The following ADCY8 variants were observed in gnomAD, a reference collection of about 807,000 sequenced individuals.
ADCY8 encodes the protein adenylate cyclase 8.
ADCY8 carries 51 observed loss-of-function variants against 119.7 expected under a neutral mutation model. The ratio of observed to expected loss-of-function variants is 0.43; its 90% CI spans 0.34 to 0.54. The LOEUF (loss-of-function observed/expected upper bound fraction) is 0.54. Among genes scored for constraint, ADCY8 ranks in the 20% least tolerant of loss-of-function variants. ADCY8 has a pLI of 0.03. For missense variants in ADCY8, 1,383 were observed against 1,598.8 expected (o/e 0.87, Z 2.30); for synonymous variants, 665 against 651.0 (o/e 1.02, Z -0.33).
chr8:130,885,063 G>A (rs1421455099), intron 7 of ADCY8, among the ~76,000 whole-genome samples: 1 of 152,092 alleles, frequency 6.6e-6, no homozygotes, highest in African/African-American at 2.4e-5. Flanking sequence ...CTCTAACCAG[G>A]CACAACCTGG....
chr8:130,818,142 A>G (rs1309646940), intron 13 of ADCY8, among the ~76,000 whole-genome samples: 1 of 152,248 alleles, frequency 6.6e-6, no homozygotes, highest in Non-Finnish European at 1.5e-5. Context: ...ATAAACTGTA[A>G]GAAATGACAG....
chr8:130,964,439 TTTAA>T (rs1821700765), intron 2 of ADCY8, among the ~76,000 whole-genome samples: 6 of 152,222 alleles, frequency 3.9e-5, no homozygotes, highest in African/African-American at 1.2e-4. Context: ...ATTTATGTGA[TTTAA>T]TTAAATATTA....
chr8:130,941,993 A>C (rs867167051), intron 4 of ADCY8, among the ~76,000 whole-genome samples: 4 of 152,316 alleles, frequency 2.6e-5, no homozygotes, highest in Middle Eastern at 6.8e-3. Context: ...ATAATAAAAC[A>C]ACCACCATAA....
intron 15 of ADCY8, among the ~76,000 whole-genome samples, chr8:130,791,890 C>T (rs1815437000): frequency 6.6e-6 from 1 of 152,378 alleles, no homozygotes; most frequent in Non-Finnish European, 1.5e-5. Context: ...TTCCCATCAG[C>T]ATACAGCCTG....
chr8:130,852,859 C>A (rs966076806), intron 9 of ADCY8, among the ~76,000 whole-genome samples: 2 of 152,192 alleles, frequency 1.3e-5, no homozygotes, highest in Admixed American at 6.5e-5. Flanking sequence ...GTTATTCCTG[C>A]AAGGCTCAGC....
chr8:131,011,595 C>G (rs1823306962), intron 1 of ADCY8, among the ~76,000 whole-genome samples: 1 of 152,134 alleles, frequency 6.6e-6, no homozygotes, highest in South Asian at 2.1e-4. Flanking sequence ...TAGCTGTAAT[C>G]ATCTAAAAGT....
intron 2 of ADCY8, among the ~76,000 whole-genome samples, chr8:130,953,576 G>A (rs1213873258): frequency 6.6e-6 from 1 of 152,156 alleles, no homozygotes; most frequent in African/African-American, 2.4e-5. Context: ...GTCTTGGATT[G>A]AGTCTGATGA....
chr8:130,810,954 T>G (rs1816145345), intron 14 of ADCY8, among the ~76,000 whole-genome samples: 1 of 152,144 alleles, frequency 6.6e-6, no homozygotes, highest in African/African-American at 2.4e-5. Context: ...AAAAAGCTGT[T>G]TTTTTTTCTC....
intron 1 of ADCY8, among the ~76,000 whole-genome samples, chr8:130,998,773 A>C (rs1433702220): frequency 1.3e-5 from 2 of 152,180 alleles, no homozygotes; most frequent in African/African-American, 2.4e-5. Flanking sequence ...AATGTATTCC[A>C]AGGGAAGAGA....
chr8:130,882,702 T>C (rs1818823435), intron 8 of ADCY8, among the ~76,000 whole-genome samples: 1 of 152,200 alleles, frequency 6.6e-6, no homozygotes, highest in South Asian at 2.1e-4. Context: ...TACTTTTTAT[T>C]ACTGTTTTTG....
At chr8:131,028,709 T>C (rs1823899766) in intron 1 of ADCY8, among the ~76,000 whole-genome samples, 1 of 152,238 alleles carries the variant, frequency 6.6e-6, no homozygotes, top group South Asian at 2.1e-4. Context: ...ATGGTCTTTA[T>C]GTGACAGGTT....
chr8:130,923,657 A>G (rs950871720), intron 5 of ADCY8, among the ~76,000 whole-genome samples: 7 of 152,316 alleles, frequency 4.6e-5, no homozygotes, highest in East Asian at 1.9e-4. Context: ...GGACTCCCCA[A>G]AACAGACATA....
intron 15 of ADCY8, among the ~76,000 whole-genome samples, chr8:130,799,312 T>C (rs183040059): frequency 7.9e-5 from 12 of 152,298 alleles, no homozygotes; most frequent in Admixed American, 5.2e-4. Flanking sequence ...CGTTGTAAGA[T>C]GTGAGGTGAT....
At chr8:130,811,864 C>T (rs947550165) in intron 14 of ADCY8, among the ~76,000 whole-genome samples, 42 of 152,188 alleles carry the variant, frequency 2.8e-4, no homozygotes, top group African/African-American at 9.7e-4. Flanking sequence ...TCTAGACCTT[C>T]CCTTGGGAGT....
At chr8:130,953,126 G>T (rs117538760) in intron 2 of ADCY8, among the ~76,000 whole-genome samples, 6,176 of 152,244 alleles carry the variant, frequency 0.041, 166 homozygotes, top group Non-Finnish European at 0.063. Context: ...ACTTGGTTAC[G>T]TGGTTTACTG....
intron 1 of ADCY8, among the ~76,000 whole-genome samples, chr8:131,017,548 T>C (rs777063688): frequency 3.1e-4 from 47 of 152,174 alleles, no homozygotes; most frequent in Non-Finnish European, 5.1e-4. Flanking sequence ...TGGGAAAAGC[T>C]AGGAAGCCAG....
At chr8:130,893,233 C>T (rs996992981) in intron 7 of ADCY8, among the ~76,000 whole-genome samples, 1 of 152,100 alleles carries the variant, frequency 6.6e-6, no homozygotes, top group Non-Finnish European at 1.5e-5. Context: ...GTATCACATC[C>T]GTAGTAATGT....
chr8:131,029,324 T>C (rs1458557564), intron 1 of ADCY8, among the ~76,000 whole-genome samples: 2 of 152,170 alleles, frequency 1.3e-5, no homozygotes, highest in African/African-American at 4.8e-5. Context: ...AGAGATAAAA[T>C]ACACATAAAT....
In ADCY8 at chr8:130,884,454, GCAAA is replaced by G. The variant is rs369149638; in HGVS notation, c.2109+106_2109+109del. ...AAAGACAGTACCAAACCAAACCAAA[GCAAA>G]CAAACAAAGAAACCAAAACCACAGC... is the stretch of plus-strand genomic sequence containing the variant. On this transcript the variant is annotated intron_variant, in intron 8 of 17. Transcript: ENST00000286355. 3.2e-4 allele frequency: 375 copies of G among 1,175,314 alleles called. 5 individuals are homozygous for G. In the African/African-American group the frequency reaches 4.2e-3, roughly 13 times the overall value. The allele number at this position is 1,175,314 out of a possible 1,614,324, so 72.8% of individuals were successfully genotyped here.
Sources: allele counts gnomAD v4.1 joint callset (sites outside exome capture counted in the v4.1 genomes callset), GRCh38; gene constraint gnomAD v4.1.1; transcripts MANE v1.5; gene names NCBI Gene and HGNC (gene_info 2026-07-23, HGNC 2026-07-21).